The following LAMP2 variants were observed in gnomAD, a reference collection of about 807,000 sequenced individuals.
The protein encoded by LAMP2 is lysosome-associated membrane glycoprotein 2.
In LAMP2, 4 loss-of-function variants were observed where a neutral mutation model predicts 25.6. The ratio of observed to expected loss-of-function variants is 0.16; its 90% CI spans 0.08 to 0.36. The LOEUF (loss-of-function observed/expected upper bound fraction) is 0.36, where lower values mean the gene tolerates loss of function less well. Among genes scored for constraint, LAMP2 ranks in the 10% least tolerant of loss-of-function variants. The probability of loss-of-function intolerance (pLI) is 1.00; values close to 1 mark genes in which losing one functional copy is unlikely to be tolerated. For synonymous variants in LAMP2, 108 were observed against 112.7 expected (o/e 0.96, Z 0.27); for missense variants, 272 against 301.4 (o/e 0.90, Z 0.72).
intron 8 of LAMP2, 42 bp from the exon 9 acceptor site, chrX:120,431,504 A>G (rs2058523008): frequency 1.1e-5 from 13 of 1,139,830 alleles, no homozygotes; most frequent in Non-Finnish European, 1.6e-5. Flanking sequence ...AAACAGTGAC[A>G]AACTTTCAAA....
intron 7 of LAMP2, 79 bp from the exon 8 acceptor site, chrX:120,441,973 T>A: frequency 2.2e-6 from 2 of 927,030 alleles, no homozygotes; most frequent in Non-Finnish European, 1.6e-6. Context: ...GCACAGTGGC[T>A]CACGCCTGTA....
intron 1 of LAMP2, among the ~76,000 whole-genome samples, chrX:120,465,808 T>C (rs886344961): frequency 2.7e-5 from 3 of 112,241 alleles, no homozygotes; most frequent in Non-Finnish European, 3.8e-5. Context: ...TTTAGCTACA[T>C]ATTAGGTACT....
At chrX:120,445,821 C>T (rs183660772) in intron 6 of LAMP2, among the ~76,000 whole-genome samples, 5 of 112,209 alleles carry the variant, frequency 4.5e-5, no homozygotes, top group Non-Finnish European at 9.4e-5. Context: ...AATTCATATA[C>T]ACACTTAACA....
intron 8 of LAMP2, chrX:120,438,730 AC>A (rs60325643): frequency 0.016 from 13,024 of 791,735 alleles, 67 homozygotes; most frequent in South Asian, 0.022. Context: ...ACACACACAC[AC>A]AAAAAGAGCA....
At chrX:120,439,283 A>G in intron 8 of LAMP2, 1 of 1,207,756 alleles carries the variant, frequency 8.3e-7, no homozygotes, top group Non-Finnish European at 1.1e-6. Flanking sequence ...CATCCAGCGA[A>G]CACTCTTGGG....
intron 6 of LAMP2, 75 bp downstream of exon 6, chrX:120,446,230 C>G: frequency 1.0e-6 from 1 of 968,117 alleles, no homozygotes; most frequent in Non-Finnish European, 1.5e-6. Flanking sequence ...TACCCCCCTC[C>G]CCCCATGCAA....
At chrX:120,447,510 C>T (rs2058602296) in intron 5 of LAMP2, among the ~76,000 whole-genome samples, 1 of 110,684 alleles carries the variant, frequency 9.0e-6, no homozygotes, top group Admixed American at 9.6e-5. Flanking sequence ...AGATCGAGAC[C>T]GTCCTGGCTA....
At chrX:120,459,387 C>CT (rs766615006) in intron 1 of LAMP2, among the ~76,000 whole-genome samples, 1 of 112,466 alleles carries the variant, frequency 8.9e-6, no homozygotes, top group Non-Finnish European at 1.9e-5. Context: ...GTGCTAGGCT[C>CT]TGCCTAACAA....
chrX:120,426,889 AGAG>A lies in LAMP2; in HGVS notation c.*4431_*4433del, dbSNP rs1210768372. On this transcript the variant is annotated 3_prime_UTR_variant, in exon 9 of 9. Transcript: ENST00000200639. The stretch of plus-strand genomic sequence containing the variant: ...CTGTATGTCAGAGCTATAGAGTTCT[AGAG>A]GAGTTGTAGTTGAGCAATCTAACTT... 8.9e-6 allele frequency among the ~76,000 whole-genome samples: 1 copy of A among 112,686 alleles called. No homozygotes were observed. The highest frequency in any genetic ancestry group is 1.9e-5 in the Non-Finnish European group (1 of 53,312).
intron 1 of LAMP2, among the ~76,000 whole-genome samples, chrX:120,466,682 T>C (rs1475767663): frequency 9.0e-6 from 1 of 111,632 alleles, no homozygotes; most frequent in African/African-American, 3.3e-5. Context: ...GTGAGTCATA[T>C]GTATTGGTAT....
intron 8 of LAMP2, chrX:120,437,403 A>G (rs1414025224): frequency 1.8e-4 from 127 of 703,273 alleles, no homozygotes; most frequent in Non-Finnish European, 1.8e-4. Context: ...GAGGCACATA[A>G]TCCCACCACA....
intron 1 of LAMP2, among the ~76,000 whole-genome samples, chrX:120,460,068 G>A (rs1921254793): frequency 9.0e-6 from 1 of 111,184 alleles, no homozygotes; most frequent in Admixed American, 9.6e-5. Context: ...ATCACTTGAG[G>A]TCAGGAGTTC....
In LAMP2 at chrX:120,428,456, A is replaced by AAAAC; in HGVS notation, c.*2863_*2866dup. 1.7e-6 allele frequency: 2 copies of AAAAC among 1,148,691 alleles called. No individual in the cohort carries two copies. Among genetic ancestry groups the AAAAC allele is most frequent in the Non-Finnish European group, 2.3e-6 (2 of 868,265 alleles). 94.7% of individuals were successfully genotyped at this position (1,148,691 alleles called of 1,213,427 possible). A position where few individuals can be genotyped will look rare whatever the true frequency, so the allele number is the denominator to read the frequency against. On this transcript the variant is annotated 3_prime_UTR_variant, in exon 9 of 9. Coordinates refer to ENST00000200639, the MANE Select transcript of LAMP2 (RefSeq NM_002294.3). ...ATGGAAACGTAACTTCTAATTGAAA[A>AAAAC]AAACAAACAAACACTAGATTTAACT...
chrX:120,455,204 G>A (rs1385104287), intron 3 of LAMP2, among the ~76,000 whole-genome samples, 153 bp downstream of exon 3: 1 of 108,072 alleles, frequency 9.3e-6, no homozygotes, highest in African/African-American at 3.4e-5. Flanking sequence ...GGTGTCATAT[G>A]TGCCATGCAT....
At chrX:120,458,134 G>A (rs1225960847) in intron 1 of LAMP2, among the ~76,000 whole-genome samples, 1 of 111,467 alleles carries the variant, frequency 9.0e-6, no homozygotes, top group African/African-American at 3.3e-5. Context: ...CTGATCCAAG[G>A]CTCCCTGCCA....
intron 6 of LAMP2, among the ~76,000 whole-genome samples, chrX:120,444,214 G>A (rs567960459): frequency 5.4e-5 from 6 of 111,107 alleles, no homozygotes; most frequent in East Asian, 2.8e-4. Flanking sequence ...ACTGGACCCA[G>A]AGCAAAGGCA....
Position 120,429,540 on chromosome X carries a change from G to A in LAMP2, c.*1783C>T, listed in dbSNP as rs2058514295. ...TTATGCTCATGATCCCATCTGAGGAGGATTAGGTTTTGAAGTAGCAAACAG... is the reference window on the plus strand; with the variant it reads ...TTATGCTCATGATCCCATCTGAGGAAGATTAGGTTTTGAAGTAGCAAACAG... On this transcript the variant is annotated 3_prime_UTR_variant, in exon 9 of 9. Transcript: ENST00000200639. The A allele has an allele frequency of 1.3e-6, 1 of 748,330 alleles. No individual in the cohort carries two copies. Among genetic ancestry groups the A allele is most frequent in the Non-Finnish European group, 1.6e-6 (1 of 636,038 alleles). 61.7% of individuals were successfully genotyped at this position (748,330 alleles called of 1,213,427 possible). A position where few individuals can be genotyped will look rare whatever the true frequency, so the allele number is the denominator to read the frequency against.
chrX:120,431,444 T>A lies in LAMP2; in HGVS notation c.1112A>T (p.Asp371Val). 1 of 1,209,917 alleles carries A rather than the reference T, an allele frequency of 8.3e-7. No homozygotes were observed. Among genetic ancestry groups the A allele is most frequent in the Non-Finnish European group, 1.1e-6 (1 of 893,649 alleles). ...TATGGGCACAAGGAAGTTGTCGTCA[T>A]CTGCACTGCAGTCTTGAGCTAGATG... Reference protein sequence around the residue: ...KYSTAQDCSADDDNFLVPIAV... With the variant: ...KYSTAQDCSAVDDNFLVPIAV... Residue 371 changes from aspartate to valine, a missense_variant, in exon 9 of 9, where the codon GAT (aspartate) becomes GTT (valine). Asp to Val is a radical substitution (Grantham distance 152). Coordinates refer to ENST00000200639, the MANE Select transcript of LAMP2 (RefSeq NM_002294.3).
intron 1 of LAMP2, 141 bp from the exon 2 acceptor site, chrX:120,456,910 ATATATACATATATGTG>A (rs929316749): frequency 5.1e-5 from 19 of 370,741 alleles, no homozygotes; most frequent in African/African-American, 3.1e-4. Flanking sequence ...ACACATACAT[ATATATACATATATGTG>A]TATATACATA....
Sources: gnomAD v4.1 joint callset for allele counts (sites outside exome capture counted in the v4.1 genomes callset) on GRCh38, gnomAD v4.1.1 for gene constraint, MANE v1.5 for transcripts, NCBI Gene and HGNC (gene_info 2026-07-23, HGNC 2026-07-21) for gene names.